The following LRP1B variants were observed in gnomAD, a reference collection of about 807,000 sequenced individuals.
LRP1B encodes the protein LDL receptor related protein 1B.
In LRP1B, 217 loss-of-function variants were observed where a neutral mutation model predicts 556.6. The ratio of observed to expected loss-of-function variants is 0.39; its 90% CI spans 0.35 to 0.44. The LOEUF (loss-of-function observed/expected upper bound fraction) is 0.44, where lower values mean the gene tolerates loss of function less well. Among genes scored for constraint, LRP1B ranks in the 20% least tolerant of loss-of-function variants. The pLI is 1.00. For synonymous variants in LRP1B, 2,047 were observed against 1,865.8 expected (o/e 1.10, Z -2.50); for missense variants, 5,053 against 5,620.8 (o/e 0.90, Z 3.23).
chr2:141,416,663 CAGGCTGG>C (rs1451218726), intron 3 of LRP1B, among the ~76,000 whole-genome samples: 1 of 152,004 alleles, frequency 6.6e-6, no homozygotes, highest in Non-Finnish European at 1.5e-5. Flanking sequence ...CCATGTTGGC[CAGGCTGG>C]TCTTGAACTC....
intron 19 of LRP1B, among the ~76,000 whole-genome samples, chr2:140,951,026 T>C (rs1168146112): frequency 1.3e-5 from 2 of 152,154 alleles, no homozygotes; most frequent in East Asian, 1.9e-4. Flanking sequence ...ACTGACTGAA[T>C]TCATCTATGC....
At chr2:141,492,827 T>C (rs1404059695) in intron 2 of LRP1B, among the ~76,000 whole-genome samples, 2 of 152,162 alleles carry the variant, frequency 1.3e-5, no homozygotes, top group South Asian at 2.1e-4. Context: ...TGGTAAAGTA[T>C]ATGCATTTTA....
chr2:141,122,180 C>T lies in LRP1B; in HGVS notation c.1014-59907G>A, dbSNP rs543724888. Among the ~76,000 whole-genome samples the T allele has an allele frequency of 2.0e-5, 3 of 152,218 alleles. No individual in the cohort carries two copies. The East Asian group carries it at 5.8e-4, about 29-fold the overall frequency. ...AAAACCTAGGCAATAGCATTCAGGA[C>T]ATAGGCATGGGCAAGGACTTCATGT... is the stretch of plus-strand genomic sequence containing the variant. On this transcript the variant is annotated intron_variant, in intron 7 of 90. Transcript: ENST00000389484.
chr2:141,101,681 T>A (rs1700465374), intron 7 of LRP1B, among the ~76,000 whole-genome samples: 2 of 152,146 alleles, frequency 1.3e-5, no homozygotes, highest in African/African-American at 4.8e-5. Flanking sequence ...AAGAAAGATT[T>A]TTTTCTTATA....
At chr2:141,308,750 G>A (rs975777166) in intron 3 of LRP1B, among the ~76,000 whole-genome samples, 4 of 152,024 alleles carry the variant, frequency 2.6e-5, no homozygotes, top group African/African-American at 4.8e-5. Context: ...CATACAACAT[G>A]TTGGATATCA....
intron 2 of LRP1B, among the ~76,000 whole-genome samples, chr2:141,645,374 TCAG>T (rs1279524949): frequency 6.6e-6 from 1 of 150,510 alleles, no homozygotes; most frequent in Non-Finnish European, 1.5e-5. Context: ...GCCCTAGACC[TCAG>T]CCTCATGGTG....
chr2:141,123,921 TC>T (rs1701130473), intron 7 of LRP1B, among the ~76,000 whole-genome samples: 1 of 152,096 alleles, frequency 6.6e-6, no homozygotes, highest in African/African-American at 2.4e-5. Context: ...GTGGCACATC[TC>T]AGCTGGGATT....
At chr2:141,412,999 A>G (rs986025916) in intron 3 of LRP1B, among the ~76,000 whole-genome samples, 6 of 152,142 alleles carry the variant, frequency 3.9e-5, no homozygotes, top group African/African-American at 1.4e-4. Flanking sequence ...GGCCAGAGCA[A>G]GGGGAAGACT....
chr2:141,462,634 C>T (rs1341214894), intron 3 of LRP1B, among the ~76,000 whole-genome samples: 1 of 151,988 alleles, frequency 6.6e-6, no homozygotes, highest in Non-Finnish European at 1.5e-5. Flanking sequence ...ACGTTTTGCA[C>T]ATGTATCTCA....
intron 29 of LRP1B, among the ~76,000 whole-genome samples, chr2:140,848,925 T>TA (rs1367674535): frequency 6.6e-6 from 1 of 152,150 alleles, no homozygotes; most frequent in African/African-American, 2.4e-5. Context: ...CCTATTTTTG[T>TA]AATGGTTAGT....
At chr2:141,308,522 C>A (rs1284124284) in intron 3 of LRP1B, among the ~76,000 whole-genome samples, 4 of 152,126 alleles carry the variant, frequency 2.6e-5, no homozygotes, top group Non-Finnish European at 4.4e-5. Context: ...TATAATTTTT[C>A]ATTTTCAGTA....
intron 12 of LRP1B, 105 bp from the exon 13 acceptor site, chr2:141,016,020 T>A: frequency 1.2e-6 from 1 of 815,918 alleles, no homozygotes; most frequent in Non-Finnish European, 2.1e-6. Flanking sequence ...AGTTTCATTC[T>A]GATTTGTCCT....
At chr2:141,484,031 C>T (rs1369404235) in intron 2 of LRP1B, among the ~76,000 whole-genome samples, 3 of 152,128 alleles carry the variant, frequency 2.0e-5, no homozygotes, top group African/African-American at 7.2e-5. Flanking sequence ...GACATGAAGT[C>T]CTTGCCCATG....
At chr2:140,485,792 A>C (rs80106692) in intron 58 of LRP1B, among the ~76,000 whole-genome samples, 1,960 of 151,360 alleles carry the variant, frequency 0.013, 24 homozygotes, top group Non-Finnish European at 0.02. Context: ...TGTTGTTCAC[A>C]TTTTTGTTAA....
At chr2:140,956,812 T>C (rs1476266918) in intron 18 of LRP1B, among the ~76,000 whole-genome samples, 1 of 151,740 alleles carries the variant, frequency 6.6e-6, no homozygotes, top group Non-Finnish European at 1.5e-5. Context: ...GTATTGCCAA[T>C]TAATGTGTGA....
intron 2 of LRP1B, among the ~76,000 whole-genome samples, chr2:141,586,582 A>G (rs956969168): frequency 1.3e-5 from 2 of 152,146 alleles, no homozygotes; most frequent in Non-Finnish European, 2.9e-5. Context: ...ATATATGATG[A>G]TGTTTATATT....
intron 3 of LRP1B, among the ~76,000 whole-genome samples, chr2:141,256,161 T>G (rs1332578772): frequency 6.6e-6 from 1 of 152,042 alleles, no homozygotes; most frequent in African/African-American, 2.4e-5. Context: ...AAGCTGAATA[T>G]GCAGGAAGAT....
intron 15 of LRP1B, among the ~76,000 whole-genome samples, chr2:141,002,440 G>C (rs185891178): frequency 6.6e-6 from 1 of 151,986 alleles, no homozygotes; most frequent in Non-Finnish European, 1.5e-5. Context: ...ATCCAGGGGG[G>C]ATTGATTCCA....
At chr2:142,102,036 A>C (rs1559071557) in intron 1 of LRP1B, among the ~76,000 whole-genome samples, 1 of 151,954 alleles carries the variant, frequency 6.6e-6, no homozygotes, top group Non-Finnish European at 1.5e-5. Context: ...ACATTTTATT[A>C]AGTATTAATG....
Sources: gnomAD v4.1 joint callset for allele counts (sites outside exome capture counted in the v4.1 genomes callset) on GRCh38, gnomAD v4.1.1 for gene constraint, MANE v1.5 for transcripts, NCBI Gene and HGNC (gene_info 2026-07-23, HGNC 2026-07-21) for gene names.